WDR90: variants seen among roughly 807,000 people sequenced by gnomAD.
The protein encoded by WDR90 is WD repeat-containing protein 90.
WDR90 carries 238 observed loss-of-function variants against 195.2 expected under a neutral mutation model. That is an observed-to-expected ratio of 1.22 (90% CI 1.10 to 1.36). WDR90 has a LOEUF of 1.36. Among genes scored for constraint, WDR90 ranks in the 40% most tolerant of loss-of-function variants. WDR90 has a pLI of 0.00. For synonymous variants in WDR90, 1,265 were observed against 1,052.4 expected (o/e 1.20, Z -3.91); for missense variants, 2,734 against 2,439.5 (o/e 1.12, Z -2.54).
At position 667,519 on chromosome 16, in the gene WDR90, C is replaced by A; in HGVS notation, c.5177C>A (p.Thr1726Lys). ...HDNAVHLCRF[T>K]PSARLLFTAA... ...AACGCAGTGCACCTGTGCAGGTTTA[C>A]ACCGTCCGCCAGGCTGCTCTTCACG... Residue 1726 changes from threonine (T) to lysine (K), a missense_variant, in exon 41 of 41, where the codon ACA becomes AAA. Transcript: ENST00000293879. 6.2e-7 allele frequency: 1 copy of A among 1,612,594 alleles called. No homozygotes were observed. Among genetic ancestry groups the A allele is most frequent in the East Asian group, 2.2e-5 (1 of 44,890 alleles).
At chr16:649,542 T>C in intron 1 of WDR90, 116 bp downstream of exon 1, 1 of 1,240,964 alleles carries the variant, frequency 8.1e-7, no homozygotes, top group Non-Finnish European at 1.0e-6. Flanking sequence ...GAGTCCCCGC[T>C]CAGGCAGGGT....
rs778825843 is a variant in WDR90, at chr16:650,527, C to G, written c.389-12C>G. The G allele has an allele frequency of 1.3e-6, 2 of 1,595,058 alleles. No individual in the cohort carries two copies. Among genetic ancestry groups the G allele is most frequent in the Admixed American group, 3.4e-5 (2 of 59,620 alleles). ...GGAGGGTGGGCGCTGACCCTGAGTG[C>G]CCATCCTGCAGATCTGGTGGGTTTG... is the stretch of plus-strand genomic sequence containing the variant. On this transcript the variant is annotated splice_polypyrimidine_tract_variant and intron_variant, in intron 4 of 40. Coordinates refer to ENST00000293879, the MANE Select transcript of WDR90 (RefSeq NM_145294.5).
At position 657,139 on chromosome 16, in the gene WDR90, C is replaced by T. The variant is rs371522346; in HGVS notation, c.2391C>T (p.Arg797=). 2.4e-5 allele frequency: 38 copies of T among 1,577,244 alleles called. No homozygotes were observed. The African/African-American group carries it at 4.2e-4, about 17-fold the overall frequency. ...GCCTGACCGCCACCCCTGACGGCCG[C>T]CTGCTCTTCAGCTCCTGCTCCCAGG... ...VTGLTATPDG[R]LLFSSCSQGS... is the part of the protein sequence containing the mutation. Residue 797 remains arginine, a synonymous_variant, in exon 20 of 41, where the codon CGC becomes CGT. Coordinates refer to ENST00000293879, the MANE Select transcript of WDR90 (RefSeq NM_145294.5).
At chr16:657,354 C>T in intron 20 of WDR90, 133 bp downstream of exon 20, 3 of 1,333,486 alleles carry the variant, frequency 2.2e-6, no homozygotes, top group Non-Finnish European at 3.0e-6. Flanking sequence ...GCGTGGCCGC[C>T]TCAGTAACCT....
intron 9 of WDR90, chr16:652,254 G>GC: frequency 1.3e-6 from 1 of 791,666 alleles, no homozygotes; most frequent in Non-Finnish European, 2.0e-6. Flanking sequence ...CAATGCGTCA[G>GC]CCCCAGGTGG....
chr16:657,011 C>G lies in WDR90; in HGVS notation c.2343-80C>G, dbSNP rs2037769968. ...CCCCATGGGGACTTCCATGGCCAGG[C>G]TGGTTGGCTGGAGGTCGAGGGAACC... On this transcript the variant is annotated intron_variant, in intron 19 of 40. Transcript: ENST00000293879. 4.5e-6 allele frequency: 7 copies of G among 1,566,458 alleles called. No individual in the cohort carries two copies. The East Asian group carries it at 1.4e-4, about 32-fold the overall frequency.
At chr16:659,473 G>A in intron 26 of WDR90, 97 bp downstream of exon 26, 1 of 1,490,070 alleles carries the variant, frequency 6.7e-7, no homozygotes, top group Non-Finnish European at 9.1e-7. Context: ...CAGCTCTGGG[G>A]TGCAGGTGCC....
At chr16:664,544 G>A (rs1034827808) in intron 34 of WDR90, among the ~76,000 whole-genome samples, 4 of 152,170 alleles carry the variant, frequency 2.6e-5, no homozygotes, top group African/African-American at 7.2e-5. Context: ...TCTGGGCCCC[G>A]CCTGTGTGGT....
At chr16:662,440 G>A (rs1005819324) in intron 33 of WDR90, 109 bp downstream of exon 33, 75 of 1,362,892 alleles carry the variant, frequency 5.5e-5, no homozygotes, top group South Asian at 6.6e-5. Flanking sequence ...CAGACCGGCC[G>A]CCTGCTAGCC....
In WDR90 at chr16:657,346, G is replaced by A. The variant is rs1002247545; in HGVS notation, c.2473+125G>A. 2.4e-5 allele frequency: 33 copies of A among 1,374,680 alleles called. No homozygotes were observed. The East Asian group carries it at 3.0e-4, about 13-fold the overall frequency. 85.2% of individuals were successfully genotyped at this position (1,374,680 alleles called of 1,614,324 possible). ...CACCGACTGGGTCCTGTGGGGGGGC[G>A]TGGCCGCCTCAGTAACCTTGTCAAG... On this transcript the variant is annotated intron_variant, in intron 20 of 40. Coordinates refer to ENST00000293879, the MANE Select transcript of WDR90 (RefSeq NM_145294.5).
intron 26 of WDR90, 104 bp from the exon 27 acceptor site, chr16:659,954 A>C: frequency 1.1e-6 from 1 of 875,618 alleles, no homozygotes; most frequent in Non-Finnish European, 1.7e-6. Context: ...TGCAGTTCTC[A>C]CTGTGTGGTA....
chr16:666,793 G>GT lies in WDR90; in HGVS notation c.5004+2dup, dbSNP rs1567225911. ...CATCTACAACCTCTGCCAGAAGCAG[G>GT]TACACGCAGCTGCCCGCGTGTCACT... On this transcript the variant is annotated splice_donor_variant, in intron 39 of 40. Coordinates refer to ENST00000293879, the MANE Select transcript of WDR90 (RefSeq NM_145294.5). LOFTEE classifies it high-confidence loss of function. 2 of 1,612,832 alleles carry GT rather than the reference G, an allele frequency of 1.2e-6. No homozygotes were observed. The highest frequency in any genetic ancestry group is 2.2e-5 in the South Asian group (2 of 91,076).
At position 660,055 on chromosome 16, in the gene WDR90, C is replaced by T. The variant is rs769776952; in HGVS notation, c.3185-3C>T. ...GCCACAAGCTCTGCCTCCTCCCTGC[C>T]AGGCGCCAGGGACACCAGGAATTCG... On this transcript the variant is annotated splice_polypyrimidine_tract_variant and splice_region_variant and intron_variant, in intron 26 of 40. Coordinates refer to ENST00000293879, the MANE Select transcript of WDR90 (RefSeq NM_145294.5). The T allele has an allele frequency of 1.3e-6, 2 of 1,540,724 alleles. No individual in the cohort carries two copies. Among genetic ancestry groups the T allele is most frequent in the Non-Finnish European group, 8.7e-7 (1 of 1,145,742 alleles).
At position 666,494 on chromosome 16, in the gene WDR90, G is replaced by C. The variant is rs373898012; in HGVS notation, c.4780G>C (p.Ala1594Pro). 11 of 1,612,688 alleles carry C rather than the reference G, an allele frequency of 6.8e-6. No individual in the cohort carries two copies. The South Asian group carries it at 1.1e-4, about 16-fold the overall frequency. The change falls in exon 38 of 41, where the codon GCT becomes CCT. Residue 1594 changes from alanine (A) to proline (P), a missense_variant. Ala to Pro is a conservative substitution (Grantham distance 27). Transcript: ENST00000293879. ...GGTGGAGGGCACAGACCTATGGCTG[G>C]CTGCCAGTGGGGACCAGCGGGTCAG... ...LGVEGTDLWL[A>P]ASGDQRVSVW...
In WDR90 at chr16:654,085, C is replaced by T. The variant is rs189387890; in HGVS notation, c.1437+282C>T. The stretch of plus-strand genomic sequence containing the variant: ...CGCCTCGTTCTCTCTGCTGGTGATG[C>T]GGTTGTAAGATTTTCACGTGGCAGA... On this transcript the variant is annotated intron_variant, in intron 13 of 40. Transcript: ENST00000293879. 4.5e-4 allele frequency: 212 copies of T among 472,188 alleles called. 4 individuals carry two copies. The East Asian group carries it at 7.1e-3, about 16-fold the overall frequency. 29.2% of individuals were successfully genotyped at this position (472,188 alleles called of 1,614,324 possible). A position where few individuals can be genotyped will look rare whatever the true frequency, so the allele number is the denominator to read the frequency against.
Position 650,998 on chromosome 16 carries a change from T to A in WDR90, c.563T>A (p.Ile188Asn), listed in dbSNP as rs2037634682. The A allele has an allele frequency of 1.2e-6, 2 of 1,613,090 alleles. No homozygotes were observed. The highest frequency in any genetic ancestry group is 2.7e-5 in the African/African-American group (2 of 75,048). Residue 188 changes from isoleucine to asparagine, a missense_variant, in exon 6 of 41, where the codon ATC becomes AAC. Transcript: ENST00000293879. The stretch of plus-strand genomic sequence containing the variant: ...GGAACAACCCTGCTCCTTGTAGCCA[T>A]CTCTGGGGCCCAGTGGGCAAAGCTG... ...YTSDLCFEPAISGAQWAKLPV... is the reference protein window; with the variant it reads ...YTSDLCFEPANSGAQWAKLPV...
At position 658,633 on chromosome 16, in the gene WDR90, C is replaced by T. The variant is rs2037815789; in HGVS notation, c.2875C>T (p.Gln959Ter). ...RTIKVWDYAT[Q>*]ASPGPQVYIG... ...CATCAAGGTGTGGGACTACGCCACACAGGCCAGCCCAGGCCCCCAGGTGTG... is the reference window on the plus strand; with the variant it reads ...CATCAAGGTGTGGGACTACGCCACATAGGCCAGCCCAGGCCCCCAGGTGTG... Residue 959 changes from glutamine (Q) to a stop codon, truncating the protein, a stop_gained, in exon 23 of 41, where the codon CAG (glutamine) becomes TAG (stop). Coordinates refer to ENST00000293879, the MANE Select transcript of WDR90 (RefSeq NM_145294.5). LOFTEE classifies it high-confidence loss of function. 6.2e-7 allele frequency: 1 copy of T among 1,611,018 alleles called. No individual in the cohort carries two copies. Among genetic ancestry groups the T allele is most frequent in the Admixed American group, 1.7e-5 (1 of 59,940 alleles).
intron 9 of WDR90, 138 bp from the exon 10 acceptor site, chr16:652,329 C>T: frequency 9.4e-7 from 1 of 1,065,282 alleles, no homozygotes; most frequent in East Asian, 2.6e-5. Flanking sequence ...TTACCACAGC[C>T]AGCAGGAGCC....
chr16:650,841 T>C (rs1178943932), intron 5 of WDR90, 132 bp downstream of exon 5: 7 of 1,473,324 alleles, frequency 4.8e-6, no homozygotes, highest in Non-Finnish European at 6.5e-6. Context: ...CCAGAACCCA[T>C]CCCAGAGGCA....
Sources: allele counts gnomAD v4.1 joint callset (sites outside exome capture counted in the v4.1 genomes callset), GRCh38; gene constraint gnomAD v4.1.1; transcripts MANE v1.5; gene names NCBI Gene and HGNC (gene_info 2026-07-23, HGNC 2026-07-21).